CHRM3: variants seen among roughly 807,000 people sequenced by gnomAD.
The protein encoded by CHRM3 is cholinergic receptor muscarinic 3, also known as muscarinic acetylcholine receptor M3.
Under a neutral mutation model 41.8 loss-of-function variants are expected in CHRM3, and 11 were observed. The observed-to-expected ratio is 0.26, with a 90% CI of 0.17 to 0.44. The LOEUF is 0.44. Among genes scored for constraint, CHRM3 ranks in the 20% least tolerant of loss-of-function variants. The pLI is 1.00. For synonymous variants in CHRM3, 297 were observed against 301.4 expected (o/e 0.99, Z 0.15); for missense variants, 571 against 745.4 (o/e 0.77, Z 2.72).
intron 6 of CHRM3, among the ~76,000 whole-genome samples, chr1:239,867,040 C>T (rs1676171402): frequency 6.6e-6 from 1 of 152,196 alleles, no homozygotes; most frequent in Admixed American, 6.5e-5. Flanking sequence ...TCAGGGGCAC[C>T]GGGTTGCCAG....
intron 2 of CHRM3, among the ~76,000 whole-genome samples, chr1:239,527,096 G>A (rs1670044856): frequency 6.6e-6 from 1 of 152,164 alleles, no homozygotes. Flanking sequence ...CTGGATTCCA[G>A]CCTGTGCGAC....
chr1:239,733,765 G>T (rs1664173854), intron 5 of CHRM3, among the ~76,000 whole-genome samples: 1 of 151,990 alleles, frequency 6.6e-6, no homozygotes, highest in Non-Finnish European at 1.5e-5. Flanking sequence ...TTTTTCTTAT[G>T]TGGGGAAAAG....
At chr1:239,790,943 A>G (rs1424924515) in intron 5 of CHRM3, among the ~76,000 whole-genome samples, 1 of 152,120 alleles carries the variant, frequency 6.6e-6, no homozygotes, top group African/African-American at 2.4e-5. Flanking sequence ...AAAGCATGAT[A>G]AAATTTATTC....
At chr1:239,649,924 T>C (rs1672085180) in intron 4 of CHRM3, among the ~76,000 whole-genome samples, 1 of 152,152 alleles carries the variant, frequency 6.6e-6, no homozygotes, top group Non-Finnish European at 1.5e-5. Context: ...TTAAAATAAG[T>C]TAAATATTTA....
chr1:239,721,193 A>G (rs1662940375), intron 5 of CHRM3, among the ~76,000 whole-genome samples: 1 of 151,930 alleles, frequency 6.6e-6, no homozygotes, highest in Admixed American at 6.6e-5. Flanking sequence ...ATACGATAAA[A>G]GAGTACAGAG....
intron 5 of CHRM3, among the ~76,000 whole-genome samples, chr1:239,764,521 G>A (rs776901999): frequency 2.0e-5 from 3 of 152,180 alleles, no homozygotes; most frequent in Non-Finnish European, 4.4e-5. Flanking sequence ...TTGGGTATGG[G>A]CAAGGGGGTG....
chr1:239,462,905 C>T lies in CHRM3; in HGVS notation c.-520-29804C>T, dbSNP rs1391923481. 3.3e-5 allele frequency among the ~76,000 whole-genome samples: 5 copies of T among 152,144 alleles called. No individual in the cohort carries two copies. The East Asian group carries it at 7.7e-4, about 23-fold the overall frequency. ...TTCGGACATTTGTTGTTATATAACT[C>T]CTAGTTCAACTGGACAGAATTAATT... On this transcript the variant is annotated intron_variant, in intron 1 of 6. Coordinates refer to ENST00000676153, the MANE Select transcript of CHRM3 (RefSeq NM_001375978.1).
rs368098241 is a variant in CHRM3, at chr1:239,744,339, A to G, written c.-147+66051A>G. On this transcript the variant is annotated intron_variant, in intron 5 of 6. Coordinates refer to ENST00000676153, the MANE Select transcript of CHRM3 (RefSeq NM_001375978.1). ...TGTACAAGTAGGTGATAAATATTCT[A>G]GGGGAAAAATACAAAAAGGGAAAGT... Among the ~76,000 whole-genome samples the G allele has an allele frequency of 1.4e-4, 21 of 152,270 alleles. 1 individual carries two copies. The East Asian group carries it at 2.7e-3, about 20-fold the overall frequency.
chr1:239,713,101 C>T (rs542547658), intron 5 of CHRM3, among the ~76,000 whole-genome samples: 1 of 152,264 alleles, frequency 6.6e-6, no homozygotes, highest in East Asian at 1.9e-4. Context: ...ACTGTGTCAA[C>T]GTACTTCATG....
chr1:239,638,104 A>G (rs1273226835), intron 4 of CHRM3, among the ~76,000 whole-genome samples: 6 of 151,152 alleles, frequency 4.0e-5, no homozygotes, highest in Non-Finnish European at 7.4e-5. Flanking sequence ...ACCATTTTTT[A>G]TGGCTGCATA....
At chr1:239,583,228 T>C (rs988289899) in intron 3 of CHRM3, among the ~76,000 whole-genome samples, 1 of 152,228 alleles carries the variant, frequency 6.6e-6, no homozygotes, top group Non-Finnish European at 1.5e-5. Context: ...TTAATACTAT[T>C]TGTGTATTTT....
intron 5 of CHRM3, among the ~76,000 whole-genome samples, chr1:239,788,978 A>C (rs1558123806): frequency 6.6e-6 from 1 of 152,228 alleles, no homozygotes; most frequent in Non-Finnish European, 1.5e-5. Context: ...GGATTAAAAC[A>C]GCATTATCTT....
At chr1:239,503,612 A>T (rs1235285667) in intron 2 of CHRM3, among the ~76,000 whole-genome samples, 1 of 152,220 alleles carries the variant, frequency 6.6e-6, no homozygotes, top group Non-Finnish European at 1.5e-5. Context: ...AGCCAAAGCA[A>T]TACTAAGCAA....
chr1:239,820,640 C>A (rs1439866068), intron 5 of CHRM3, among the ~76,000 whole-genome samples: 1 of 151,962 alleles, frequency 6.6e-6, no homozygotes, highest in Non-Finnish European at 1.5e-5. Flanking sequence ...ACAGCATGTA[C>A]AAAGTGCCAT....
intron 4 of CHRM3, among the ~76,000 whole-genome samples, chr1:239,660,721 A>G (rs887030703): frequency 3.3e-5 from 5 of 152,112 alleles, no homozygotes; most frequent in African/African-American, 9.7e-5. Flanking sequence ...AGTCTCTACT[A>G]AAAATACAAA....
At chr1:239,759,174 T>G (rs536025093) in intron 5 of CHRM3, among the ~76,000 whole-genome samples, 5 of 144,768 alleles carry the variant, frequency 3.5e-5, no homozygotes, top group African/African-American at 5.4e-5. Context: ...TTTTTGTTTT[T>G]TTTTTTTGTT....
chr1:239,687,868 A>G (rs973150434), intron 5 of CHRM3, among the ~76,000 whole-genome samples: 6 of 152,164 alleles, frequency 3.9e-5, no homozygotes, highest in South Asian at 2.1e-4. Context: ...GTAGTAAACT[A>G]TGCCATCTAG....
At chr1:239,620,590 C>T (rs1668248988) in intron 3 of CHRM3, among the ~76,000 whole-genome samples, 2 of 151,898 alleles carry the variant, frequency 1.3e-5, no homozygotes, top group African/African-American at 4.8e-5. Flanking sequence ...AGTAATCTAG[C>T]AGTATGTACC....
chr1:239,710,766 A>C (rs528150108), intron 5 of CHRM3, among the ~76,000 whole-genome samples: 1 of 152,208 alleles, frequency 6.6e-6, no homozygotes, highest in East Asian at 1.9e-4. Context: ...AAATAAGTAT[A>C]GGCTTTAAGG....
Sources: gnomAD v4.1 joint callset for allele counts (sites outside exome capture counted in the v4.1 genomes callset) on GRCh38, gnomAD v4.1.1 for gene constraint, MANE v1.5 for transcripts, NCBI Gene and HGNC (gene_info 2026-07-23, HGNC 2026-07-21) for gene names.